Variants in AP3B1 observed in about 807,000 individuals in gnomAD.
AP3B1 encodes adaptor related protein complex 3 subunit beta 1.
A neutral mutation model predicts 132.5 loss-of-function variants in AP3B1; 61 were observed. The ratio of observed to expected loss-of-function variants is 0.46; its 90% CI spans 0.37 to 0.57. AP3B1 has a LOEUF of 0.57. AP3B1 is among the 20% of genes least tolerant of loss of function. The pLI is 0.00. For synonymous variants in AP3B1, 388 were observed against 438.3 expected (o/e 0.89, Z 1.43); for missense variants, 1,120 against 1,289.4 (o/e 0.87, Z 2.01).
intron 20 of AP3B1, among the ~76,000 whole-genome samples, chr5:78,107,356 A>G (rs2112245836): frequency 6.6e-6 from 1 of 152,348 alleles, no homozygotes; most frequent in African/African-American, 2.4e-5. Context: ...GTTAAGAAGT[A>G]CAAGATGGAG....
At chr5:78,258,021 A>C (rs1275418199) in intron 2 of AP3B1, among the ~76,000 whole-genome samples, 2 of 152,248 alleles carry the variant, frequency 1.3e-5, no homozygotes, top group Non-Finnish European at 2.9e-5. Context: ...AAAATGGATT[A>C]AAGACTTAAA....
At chr5:78,012,708 C>T (rs1041042305) in intron 26 of AP3B1, among the ~76,000 whole-genome samples, 4 of 152,170 alleles carry the variant, frequency 2.6e-5, no homozygotes, top group Admixed American at 6.5e-5. Context: ...ACTGATGATA[C>T]GGCTAGAACA....
Position 78,029,688 on chromosome 5 carries a change from G to A in AP3B1, c.2894+4673C>T, listed in dbSNP as rs114851302. ...AATTATTATTATTTTTTTGAATAGA[G>A]ACAAGTTCTCGCTATGCTGGCCAGG... On this transcript the variant is annotated intron_variant, in intron 24 of 26. Transcript: ENST00000255194. 5.4e-3 allele frequency among the ~76,000 whole-genome samples: 823 copies of A among 152,050 alleles called. 2 individuals are homozygous for A. Among genetic ancestry groups the A allele is most frequent in the African/African-American group, 0.019 (788 of 41,478 alleles).
Position 78,177,342 on chromosome 5 carries a change from T to C in AP3B1, c.1037A>G (p.Asn346Ser). The change falls in exon 9 of 27, where the codon AAT becomes AGT. Residue 346 changes from asparagine (N) to serine (S), a missense_variant. Coordinates refer to ENST00000255194, the MANE Select transcript of AP3B1 (RefSeq NM_003664.5). The stretch of plus-strand genomic sequence containing the variant: ...TATATATAAAATCATGACCTACCTA[T>C]TGCTACGAAGTAAACGCACTAGTGA... Reference protein sequence around the residue: ...SKSLVRLLRSNREVQYIVLQN... With the variant: ...SKSLVRLLRSSREVQYIVLQN... 1 of 1,608,838 alleles carries C rather than the reference T, an allele frequency of 6.2e-7. No homozygotes were observed. The highest frequency in any genetic ancestry group is 2.2e-5 in the East Asian group (1 of 44,814).
intron 20 of AP3B1, among the ~76,000 whole-genome samples, chr5:78,102,303 G>GT (rs981157143): frequency 6.6e-6 from 1 of 151,956 alleles, no homozygotes; most frequent in African/African-American, 2.4e-5. Context: ...AATTTCACTT[G>GT]TTTTTTCCCT....
intron 22 of AP3B1, among the ~76,000 whole-genome samples, chr5:78,084,406 C>T (rs1253451119): frequency 6.6e-6 from 1 of 151,364 alleles, no homozygotes; most frequent in Admixed American, 6.6e-5. Flanking sequence ...TGGCTGTAGT[C>T]CCAGCTACTC....
chr5:78,071,399 G>T (rs989472609), intron 22 of AP3B1, among the ~76,000 whole-genome samples: 1 of 152,026 alleles, frequency 6.6e-6, no homozygotes, highest in Non-Finnish European at 1.5e-5. Flanking sequence ...CACCCACTGG[G>T]GCCTGTCAGG....
chr5:78,291,369 A>G (rs1370067030), intron 1 of AP3B1, among the ~76,000 whole-genome samples: 2 of 151,686 alleles, frequency 1.3e-5, no homozygotes, highest in East Asian at 1.9e-4. Context: ...TGGTCCATTT[A>G]AAAAAGAGCA....
chr5:78,059,447 C>A (rs1339018958), intron 22 of AP3B1, among the ~76,000 whole-genome samples: 1 of 152,154 alleles, frequency 6.6e-6, no homozygotes, highest in Non-Finnish European at 1.5e-5. Context: ...TAGTTGAAAA[C>A]CCCTGTTCTG....
intron 7 of AP3B1, among the ~76,000 whole-genome samples, chr5:78,194,575 G>A (rs1745002826): frequency 6.6e-6 from 1 of 152,034 alleles, no homozygotes; most frequent in South Asian, 2.1e-4. Flanking sequence ...TGAAATCTAA[G>A]ACAGAAAACA....
chr5:78,084,586 G>GA (rs1473649558), intron 22 of AP3B1, among the ~76,000 whole-genome samples: 1 of 147,734 alleles, frequency 6.8e-6, no homozygotes, highest in African/African-American at 2.5e-5. Flanking sequence ...AAAAGGAAAG[G>GA]AAAAAGACCC....
chr5:78,023,401 T>C (rs760822486), intron 24 of AP3B1, among the ~76,000 whole-genome samples: 3 of 151,732 alleles, frequency 2.0e-5, no homozygotes, highest in Non-Finnish European at 2.9e-5. Flanking sequence ...ATGATCACGC[T>C]ACTGCACTCC....
At chr5:78,079,083 C>T (rs1749880429) in intron 22 of AP3B1, among the ~76,000 whole-genome samples, 1 of 152,210 alleles carries the variant, frequency 6.6e-6, no homozygotes, top group African/African-American at 2.4e-5. Flanking sequence ...GAAAGTCAGA[C>T]CATCTGTGTC....
chr5:78,013,709 A>G (rs1746716463), intron 26 of AP3B1, among the ~76,000 whole-genome samples: 1 of 151,474 alleles, frequency 6.6e-6, no homozygotes, highest in Admixed American at 6.6e-5. Context: ...AACTCAAAAT[A>G]TTTATTTTCA....
At chr5:78,195,885 T>C (rs1371656950) in intron 7 of AP3B1, among the ~76,000 whole-genome samples, 1 of 151,998 alleles carries the variant, frequency 6.6e-6, no homozygotes, top group African/African-American at 2.4e-5. Flanking sequence ...AAAAATTAAC[T>C]CAAAATGGGT....
chr5:78,019,635 G>A (rs1279872278), intron 25 of AP3B1, among the ~76,000 whole-genome samples: 1 of 152,034 alleles, frequency 6.6e-6, no homozygotes, highest in African/African-American at 2.4e-5. Context: ...TCCAAAGAAA[G>A]ATTTCATCGT....
intron 17 of AP3B1, among the ~76,000 whole-genome samples, chr5:78,121,202 A>T (rs1752175167): frequency 6.6e-6 from 1 of 152,304 alleles, no homozygotes; most frequent in East Asian, 1.9e-4. Context: ...CAGTGTGTAG[A>T]GGGAAATTTA....
intron 22 of AP3B1, among the ~76,000 whole-genome samples, chr5:78,076,656 T>C (rs1188969480): frequency 6.6e-6 from 1 of 152,206 alleles, no homozygotes; most frequent in Admixed American, 6.5e-5. Context: ...GCCTGACCTC[T>C]AGAGACAGGG....
intron 17 of AP3B1, among the ~76,000 whole-genome samples, chr5:78,126,124 CA>C (rs1429604085): frequency 1.3e-4 from 20 of 151,440 alleles, no homozygotes; most frequent in African/African-American, 4.8e-4. Flanking sequence ...AACAAACAAG[CA>C]TAATAAGAAA....
Sources: allele counts gnomAD v4.1 joint callset (sites outside exome capture counted in the v4.1 genomes callset), GRCh38; gene constraint gnomAD v4.1.1; transcripts MANE v1.5; gene names NCBI Gene and HGNC (gene_info 2026-07-23, HGNC 2026-07-21).